Variants in DPP6 observed in about 807,000 individuals in gnomAD.
The protein encoded by DPP6 is dipeptidyl peptidase like 6, also known as A-type potassium channel modulatory protein DPP6.
Under a neutral mutation model 122.6 loss-of-function variants are expected in DPP6, and 69 were observed. The ratio of observed to expected loss-of-function variants is 0.56; its 90% CI spans 0.46 to 0.69. The LOEUF is 0.69. Among genes scored for constraint, DPP6 ranks in the 30% least tolerant of loss-of-function variants. The probability of loss-of-function intolerance (pLI) is 0.00; values close to 1 mark genes in which losing one functional copy is unlikely to be tolerated. For synonymous variants in DPP6, 418 were observed against 433.1 expected (o/e 0.97, Z 0.43); for missense variants, 928 against 1,116.9 (o/e 0.83, Z 2.41).
At chr7:154,417,864 C>T (rs924098210) in intron 1 of DPP6, among the ~76,000 whole-genome samples, 2 of 152,222 alleles carry the variant, frequency 1.3e-5, no homozygotes, top group Admixed American at 1.3e-4. Flanking sequence ...CTCTTATTTG[C>T]TTTTGTAATT....
intron 1 of DPP6, among the ~76,000 whole-genome samples, chr7:154,323,638 A>T (rs1431766044): frequency 6.6e-6 from 1 of 152,240 alleles, no homozygotes; most frequent in Non-Finnish European, 1.5e-5. Flanking sequence ...GGAGAACTCC[A>T]GGAATAATAT....
chr7:154,834,670 C>A (rs1026197117), intron 16 of DPP6, among the ~76,000 whole-genome samples: 1 of 152,224 alleles, frequency 6.6e-6, no homozygotes, highest in Admixed American at 6.5e-5. Flanking sequence ...AGCGCTAAAG[C>A]GTAAAGTGCA....
intron 5 of DPP6, among the ~76,000 whole-genome samples, chr7:154,634,096 TGGTGTGCTGC>T (rs1410122856): frequency 2.0e-5 from 3 of 151,706 alleles, no homozygotes; most frequent in African/African-American, 7.3e-5. Context: ...TGTGCCATGT[TGGTGTGCTGC>T]ACCCATTAAC....
At chr7:154,140,919 C>A (rs1274852311) in intron 1 of DPP6, among the ~76,000 whole-genome samples, 3 of 152,086 alleles carry the variant, frequency 2.0e-5, no homozygotes, top group Non-Finnish European at 2.9e-5. Context: ...ATGGATTGAC[C>A]CCGCTAAGTA....
At chr7:154,608,341 A>ATATATATT (rs1468792635) in intron 5 of DPP6, among the ~76,000 whole-genome samples, 4 of 123,196 alleles carry the variant, frequency 3.2e-5, no homozygotes, top group African/African-American at 1.1e-4. Context: ...ATATATATAT[A>ATATATATT]TTTTGAGATG....
rs1421213680 is a variant in DPP6, at chr7:154,590,277, A to T, written c.627+23361A>T. Among the ~76,000 whole-genome samples, 5 of 152,104 alleles carry T rather than the reference A, an allele frequency of 3.3e-5. No individual in the cohort carries two copies. In the South Asian group the frequency reaches 1.0e-3, roughly 32 times the overall value. ...AAGAAAGCACCTTGGGGTAGAGATGATGCAAAACCAACCTGTACATCGAAA... is the reference window on the plus strand; with the variant it reads ...AAGAAAGCACCTTGGGGTAGAGATGTTGCAAAACCAACCTGTACATCGAAA... On this transcript the variant is annotated intron_variant, in intron 5 of 25. Coordinates refer to ENST00000377770, the MANE Select transcript of DPP6 (RefSeq NM_130797.4).
At chr7:154,680,907 T>C (rs1169009819) in intron 7 of DPP6, among the ~76,000 whole-genome samples, 2 of 152,222 alleles carry the variant, frequency 1.3e-5, no homozygotes, top group Non-Finnish European at 2.9e-5. Flanking sequence ...TTCAGAGATA[T>C]TTTCTGGGAC....
At chr7:153,789,214 T>C in the DPP6 span, among the ~76,000 whole-genome samples, 1 of 152,288 alleles carries the variant, frequency 6.6e-6, no homozygotes, top group African/African-American at 2.4e-5. Flanking sequence ...TTTTTGTAAA[T>C]GTTATAACAT....
intron 1 of DPP6, chr7:154,093,027 G>A (rs1804972361): frequency 6.6e-6 from 1 of 151,860 alleles, no homozygotes; most frequent in South Asian, 2.1e-4. Flanking sequence ...GGTGAGGCAA[G>A]CACCACTCTT....
chr7:153,828,737 A>G, the DPP6 span, among the ~76,000 whole-genome samples: 2 of 152,270 alleles, frequency 1.3e-5, no homozygotes, highest in African/African-American at 2.4e-5. Flanking sequence ...TTTGCATTTT[A>G]TTTCTGCCTT....
intron 7 of DPP6, among the ~76,000 whole-genome samples, chr7:154,691,216 T>C (rs1377461641): frequency 2.6e-5 from 4 of 152,290 alleles, no homozygotes; most frequent in Middle Eastern, 3.4e-3. Context: ...TAAGGAACAT[T>C]GAAACATAAA....
the DPP6 span, among the ~76,000 whole-genome samples, chr7:153,771,016 A>C: frequency 6.6e-6 from 1 of 152,226 alleles, no homozygotes; most frequent in Non-Finnish European, 1.5e-5. Context: ...CCCCAAAAGT[A>C]TGATAGAGAT....
In DPP6 at chr7:154,613,619, C is replaced by CAAAAA. The variant is rs749561005; in HGVS notation, c.628-24172_628-24168dup. 1.3e-3 allele frequency among the ~76,000 whole-genome samples: 69 copies of CAAAAA among 51,828 alleles called. 9 individuals are homozygous for CAAAAA. The highest frequency in any genetic ancestry group is 5.9e-3 in the African/African-American group (65 of 10,928). The allele number at this position is 51,828 out of a possible 152,430, so 34.0% of individuals were successfully genotyped here. ...GGGCAACAAGAGCGAGACTCTGTCT[C>CAAAAA]AAAAAAAAAAAAAAAAAAAAAAAAA... On this transcript the variant is annotated intron_variant, in intron 5 of 25. Transcript: ENST00000377770.
At chr7:154,489,135 G>A (rs1824052119) in intron 3 of DPP6, among the ~76,000 whole-genome samples, 1 of 152,102 alleles carries the variant, frequency 6.6e-6, no homozygotes, top group Admixed American at 6.6e-5. Flanking sequence ...CTTGTTTATG[G>A]GGTCTTCCAA....
upstream of DPP6, among the ~76,000 whole-genome samples, chr7:154,049,514 C>T (rs1467622520): frequency 7.6e-6 from 1 of 131,496 alleles, no homozygotes; most frequent in Non-Finnish European, 1.7e-5. Context: ...TGTGTGTATC[C>T]GTGCTTAACA....
At chr7:154,154,281 A>G (rs902984876) in intron 1 of DPP6, among the ~76,000 whole-genome samples, 1 of 152,252 alleles carries the variant, frequency 6.6e-6, no homozygotes, top group African/African-American at 2.4e-5. Context: ...CATTCCTCTG[A>G]CTGTAAAGCT....
At chr7:154,205,808 C>T (rs533927641) in intron 1 of DPP6, among the ~76,000 whole-genome samples, 8 of 152,016 alleles carry the variant, frequency 5.3e-5, no homozygotes, top group African/African-American at 1.4e-4. Flanking sequence ...TAACTAAAAA[C>T]GCTCAAGATG....
intron 1 of DPP6, among the ~76,000 whole-genome samples, chr7:154,022,771 G>T (rs1230488757): frequency 2.0e-5 from 3 of 152,196 alleles, no homozygotes; most frequent in Non-Finnish European, 4.4e-5. Flanking sequence ...CACCAGCAGA[G>T]GTGGCCAGAA....
the DPP6 span, among the ~76,000 whole-genome samples, chr7:153,755,798 T>C: frequency 6.6e-6 from 1 of 152,202 alleles, no homozygotes; most frequent in Non-Finnish European, 1.5e-5. Context: ...ACTTTATATC[T>C]TTGTGAAGCT....
Sources: allele counts gnomAD v4.1 joint callset (sites outside exome capture counted in the v4.1 genomes callset), GRCh38; gene constraint gnomAD v4.1.1; transcripts MANE v1.5; gene names NCBI Gene and HGNC (gene_info 2026-07-23, HGNC 2026-07-21).